RPS3: variants seen among roughly 807,000 people sequenced by gnomAD.
The protein encoded by RPS3 is small ribosomal subunit protein uS3.
A neutral mutation model predicts 25.8 loss-of-function variants in RPS3; 2 were observed. The ratio of observed to expected loss-of-function variants is 0.08; its 90% confidence interval spans 0.03 to 0.24. RPS3 has a LOEUF of 0.24. Among genes scored for constraint, RPS3 ranks in the 10% least tolerant of loss-of-function variants. The probability of loss-of-function intolerance (pLI) is 1.00; values close to 1 mark genes in which losing one functional copy is unlikely to be tolerated. For synonymous variants in RPS3, 114 were observed against 114.2 expected (o/e 1.00, Z 0.01); for missense variants, 107 against 307.1 (o/e 0.35, Z 4.87).
chr11:75,399,929 A>T, intron 1 of RPS3: 2 of 385,698 alleles, frequency 5.2e-6, no homozygotes, highest in Non-Finnish European at 9.4e-6. Flanking sequence ...AAGAGAAGGC[A>T]GCAGTGTATT....
At chr11:75,409,166 T>TTTA (rs201512416), downstream of RPS3, among the ~76,000 whole-genome samples, 17 of 150,818 alleles carry the variant, frequency 1.1e-4, no homozygotes, top group East Asian at 3.9e-4. Context: ...TTTTATTTTA[T>TTTA]TTATTATTAT....
chr11:75,418,125 C>T (rs12795298), intron 6 of RPS3, among the ~76,000 whole-genome samples: 11,720 of 152,324 alleles, frequency 0.077, 540 homozygotes, highest in South Asian at 0.22. Context: ...TAAGGCCACA[C>T]AGCTGAAGCT....
chr11:75,416,097 C>T (rs1401497261), intron 6 of RPS3, among the ~76,000 whole-genome samples: 1 of 152,008 alleles, frequency 6.6e-6, no homozygotes, highest in Non-Finnish European at 1.5e-5. Context: ...AGTTTGGATT[C>T]AGCACCAGGT....
At position 75,401,742 on chromosome 11, in the gene RPS3, T is replaced by G. The variant is rs199828685; in HGVS notation, c.255+9T>G. On this transcript the variant is annotated intron_variant, in intron 3 of 6. Coordinates refer to ENST00000531188, the MANE Select transcript of RPS3 (RefSeq NM_001005.5). ...CAGAGGGCAGTGTAGAGGTGAGTGA[T>G]TCTGGCATATGCCAGAGGTAATGGC... The G allele has an allele frequency of 6.7e-4, 1,000 of 1,487,228 alleles. 1 individual carries two copies. The highest frequency in any genetic ancestry group is 8.6e-4 in the Non-Finnish European group (919 of 1,064,656). The allele number at this position is 1,487,228 out of a possible 1,614,324, so 92.1% of individuals were successfully genotyped here.
chr11:75,399,675 C>A, intron 1 of RPS3, 98 bp downstream of exon 1: 2 of 1,092,216 alleles, frequency 1.8e-6, no homozygotes, highest in South Asian at 1.3e-5. Flanking sequence ...GTGGCCTGCC[C>A]TGGAAGCGGC....
chr11:75,411,896 C>T (rs1948360430), downstream of RPS3, among the ~76,000 whole-genome samples: 2 of 152,188 alleles, frequency 1.3e-5, no homozygotes, highest in African/African-American at 4.8e-5. Flanking sequence ...AGCAGTCTGA[C>T]ATTGTCAGTG....
intron 3 of RPS3, 51 bp from the exon 4 acceptor site, chr11:75,402,301 C>G (rs1948221510): frequency 3.1e-6 from 5 of 1,595,994 alleles, no homozygotes; most frequent in South Asian, 1.1e-5. Context: ...TTTCAACTTT[C>G]AGTTGAAAAT....
At chr11:75,413,951 C>T (rs372684217) in intron 6 of RPS3, among the ~76,000 whole-genome samples, 6 of 152,272 alleles carry the variant, frequency 3.9e-5, no homozygotes, top group Admixed American at 1.3e-4. Context: ...CATCAGGGAA[C>T]GCAGCCAAGG....
intron 6 of RPS3, 136 bp from the exon 7 acceptor site, chr11:75,405,477 GA>G (rs1948274056): frequency 3.1e-6 from 1 of 318,410 alleles, no homozygotes; most frequent in South Asian, 2.6e-5. Context: ...TTTTTTATAT[GA>G]AAAAGGACAA....
In RPS3 at chr11:75,404,005, T is replaced by C. The variant is rs746752389; in HGVS notation, c.351-15T>C. 8 of 1,610,128 alleles carry C rather than the reference T, an allele frequency of 5.0e-6. No homozygotes were observed. In the African/African-American group the frequency reaches 8.0e-5, roughly 16 times the overall value. ...CTTGGCAATAACACAGTGGCTCTCTTCTGTTCTTTTAAAGGGCCTGCTATG... is the reference window on the plus strand; with the variant it reads ...CTTGGCAATAACACAGTGGCTCTCTCCTGTTCTTTTAAAGGGCCTGCTATG... On this transcript the variant is annotated splice_polypyrimidine_tract_variant and intron_variant, in intron 4 of 6. Coordinates refer to ENST00000531188, the MANE Select transcript of RPS3 (RefSeq NM_001005.5). The surrounding 1 kb of genome is among the most constrained non-coding windows in gnomAD (Gnocchi z 4.6).
Position 75,406,751 on chromosome 11 carries a change from C to G in RPS3, c.*1141C>G, listed in dbSNP as rs1257254659. 1 of 152,136 alleles carries G rather than the reference C, an allele frequency of 6.6e-6. No homozygotes were observed. The highest frequency in any genetic ancestry group is 1.5e-5 in the Non-Finnish European group (1 of 68,022). The allele number at this position is 152,136 out of a possible 1,614,324, so 9.4% of individuals were successfully genotyped here. On this transcript the variant is annotated 3_prime_UTR_variant, in exon 7 of 7. Transcript: ENST00000531188. ...CAACCAACTTTGGGTCAAAAATAATCAAAAAGGATGGTTGTGTGTGTATTG... is the reference window on the plus strand; with the variant it reads ...CAACCAACTTTGGGTCAAAAATAATGAAAAAGGATGGTTGTGTGTGTATTG...
chr11:75,417,704 C>G (rs1193533055), intron 6 of RPS3, among the ~76,000 whole-genome samples: 1 of 152,212 alleles, frequency 6.6e-6, no homozygotes, highest in African/African-American at 2.4e-5. Context: ...AGGTAAGAAA[C>G]ATTGGCTGGT....
At chr11:75,402,143 C>G (rs528954822) in intron 3 of RPS3, 6 of 648,450 alleles carry the variant, frequency 9.3e-6, no homozygotes, top group Middle Eastern at 6.5e-4. Flanking sequence ...GAAGAAATGT[C>G]TTGGGCCACA....
At chr11:75,415,559 G>T (rs1293291488) in intron 6 of RPS3, among the ~76,000 whole-genome samples, 1 of 152,112 alleles carries the variant, frequency 6.6e-6, no homozygotes, top group Non-Finnish European at 1.5e-5. Context: ...TATAATCCCA[G>T]CATGTTGGGA....
At chr11:75,407,384 C>A (rs773332462), downstream of RPS3, among the ~76,000 whole-genome samples, 12 of 152,240 alleles carry the variant, frequency 7.9e-5, no homozygotes, top group Non-Finnish European at 1.6e-4. Context: ...GTGATCCCCC[C>A]ACCTCGGCCT....
intron 3 of RPS3, chr11:75,402,115 C>G (rs1948218140): frequency 1.7e-6 from 1 of 586,474 alleles, no homozygotes; most frequent in African/African-American, 1.9e-5. Flanking sequence ...CTTTTGGCCT[C>G]CGTAGGCTAC....
intron 6 of RPS3, chr11:75,405,310 CAGGTG>C (rs1565164917): frequency 4.6e-6 from 1 of 219,586 alleles, no homozygotes; most frequent in Non-Finnish European, 9.1e-6. Flanking sequence ...CTCCTGACCT[CAGGTG>C]AGCCACTGTG....
chr11:75,415,337 C>T (rs960087038), intron 6 of RPS3, among the ~76,000 whole-genome samples: 3 of 152,184 alleles, frequency 2.0e-5, no homozygotes, highest in Non-Finnish European at 4.4e-5. Flanking sequence ...TGTGTTTCTT[C>T]TCTAGTGTTT....
chr11:75,405,068 T>C (rs1257237921), intron 6 of RPS3, 200 bp downstream of exon 6: 2 of 426,818 alleles, frequency 4.7e-6, no homozygotes, highest in Non-Finnish European at 4.1e-6. Context: ...CTTTATTCTT[T>C]CCAGAAAGAA....
Sources: allele counts gnomAD v4.1 joint callset (sites outside exome capture counted in the v4.1 genomes callset), GRCh38; gene constraint gnomAD v4.1.1; non-coding constraint Gnocchi (gnomAD v3.1); transcripts MANE v1.5; gene names NCBI Gene and HGNC (gene_info 2026-07-23, HGNC 2026-07-21).